SLTM: variants seen among roughly 807,000 people sequenced by gnomAD.
The protein encoded by SLTM is SAFB like transcription modulator.
SLTM carries 43 observed loss-of-function variants against 134.6 expected under a neutral mutation model. The ratio of observed to expected loss-of-function variants is 0.32; its 90% CI spans 0.25 to 0.41. SLTM has a LOEUF of 0.41. Ranked by LOEUF, SLTM falls within the 10% of genes least tolerant of loss-of-function variation. The pLI is 1.00. For synonymous variants in SLTM, 424 were observed against 432.3 expected, an observed-to-expected ratio of 0.98 and a Z score of 0.24; for missense variants, 1,055 against 1,288.8, an observed-to-expected ratio of 0.82 and a Z score of 2.78.
At chr15:58,890,010 A>G in intron 15 of SLTM, 1 of 448,544 alleles carries the variant, frequency 2.2e-6, no homozygotes, top group East Asian at 3.8e-5. Flanking sequence ...CTGGATTACA[A>G]CTACTCTGGA....
intron 2 of SLTM, among the ~76,000 whole-genome samples, chr15:58,925,266 A>C (rs1418591418): frequency 3.9e-5 from 6 of 152,148 alleles, no homozygotes; most frequent in Non-Finnish European, 8.8e-5. Context: ...ACATTTTACT[A>C]ACAAAATCAT....
At chr15:58,891,123 A>T (rs1202588401) in intron 14 of SLTM, among the ~76,000 whole-genome samples, 4 of 152,142 alleles carry the variant, frequency 2.6e-5, no homozygotes, top group Admixed American at 1.3e-4. Flanking sequence ...TGTCATCAGC[A>T]TGTCTTTCTC....
At chr15:58,884,224 G>A (rs974300632) in intron 19 of SLTM, among the ~76,000 whole-genome samples, 2 of 152,176 alleles carry the variant, frequency 1.3e-5, no homozygotes, top group African/African-American at 4.8e-5. Flanking sequence ...GATGAGTAGT[G>A]CAGCAGCATA....
chr15:58,903,726 AG>A (rs2035661329), intron 5 of SLTM, among the ~76,000 whole-genome samples: 1 of 151,918 alleles, frequency 6.6e-6, no homozygotes, highest in Non-Finnish European at 1.5e-5. Context: ...AAAAAAAAAA[AG>A]AATGTGCATC....
intron 2 of SLTM, chr15:58,921,641 G>A (rs189578379): frequency 4.9e-6 from 2 of 404,500 alleles, no homozygotes; most frequent in Admixed American, 5.4e-5. Flanking sequence ...GTAACAACCT[G>A]ATAGATACAT....
At chr15:58,881,443 C>T (rs1187981385) in intron 20 of SLTM, among the ~76,000 whole-genome samples, 4 of 151,962 alleles carry the variant, frequency 2.6e-5, no homozygotes, top group African/African-American at 7.2e-5. Flanking sequence ...AGGAGAATCA[C>T]GTGAACCCAG....
At chr15:58,901,308 AAATGTAAAATG>A (rs774084545) in intron 5 of SLTM, 21 bp from the exon 6 acceptor site, 1 of 1,588,370 alleles carries the variant, frequency 6.3e-7, no homozygotes, top group Non-Finnish European at 8.6e-7. Context: ...AAGAATAATC[AAATGTAAAATG>A]AATTCACATA....
At chr15:58,925,549 G>A (rs1386409664) in intron 2 of SLTM, among the ~76,000 whole-genome samples, 2 of 152,084 alleles carry the variant, frequency 1.3e-5, no homozygotes, top group African/African-American at 4.8e-5. Context: ...TGTTGGCCAT[G>A]CTGGTCTCGA....
chr15:58,915,115 T>C (rs1440893649), intron 3 of SLTM, among the ~76,000 whole-genome samples: 1 of 151,996 alleles, frequency 6.6e-6, no homozygotes, highest in Non-Finnish European at 1.5e-5. Context: ...CTCTTGAACC[T>C]GGGAGGTGGA....
At chr15:58,896,810 A>T (rs1467669529) in intron 9 of SLTM, among the ~76,000 whole-genome samples, 1 of 152,212 alleles carries the variant, frequency 6.6e-6, no homozygotes, top group Non-Finnish European at 1.5e-5. Context: ...AGGCTCAGCA[A>T]TATGCTAGAT....
intron 20 of SLTM, 40 bp from the exon 21 acceptor site, chr15:58,880,147 G>T: frequency 1.2e-6 from 2 of 1,601,244 alleles, no homozygotes; most frequent in South Asian, 2.2e-5. Flanking sequence ...AGAGAACAAA[G>T]AACAAATCAT....
chr15:58,881,281 C>T (rs577336449), intron 20 of SLTM, among the ~76,000 whole-genome samples: 18 of 152,156 alleles, frequency 1.2e-4, no homozygotes, highest in African/African-American at 3.6e-4. Flanking sequence ...ACCAGCACTT[C>T]GGGAGGCTGA....
chr15:58,890,236 T>A, intron 15 of SLTM, 45 bp downstream of exon 15: 1 of 1,604,048 alleles, frequency 6.2e-7, no homozygotes, highest in Non-Finnish European at 8.5e-7. Flanking sequence ...TCACAGAGTC[T>A]GAAAAAGGTG....
intron 2 of SLTM, among the ~76,000 whole-genome samples, chr15:58,924,914 G>C (rs933776546): frequency 1.3e-5 from 2 of 152,062 alleles, no homozygotes; most frequent in Admixed American, 1.3e-4. Context: ...CAACCACCTG[G>C]GTCCAAGCAA....
At chr15:58,889,843 T>C (rs2034521081) in intron 15 of SLTM, 1 of 375,858 alleles carries the variant, frequency 2.7e-6, no homozygotes, top group Non-Finnish European at 4.8e-6. Context: ...GAATTAGAAA[T>C]AGCATTCTTA....
intron 5 of SLTM, among the ~76,000 whole-genome samples, chr15:58,909,295 A>G (rs1462229837): frequency 7.2e-5 from 11 of 152,228 alleles, no homozygotes; most frequent in African/African-American, 2.4e-4. Flanking sequence ...GGACCAAAAT[A>G]CATTACATAT....
intron 16 of SLTM, 155 bp downstream of exon 16, chr15:58,889,275 G>A (rs2034478710): frequency 1.2e-6 from 1 of 847,606 alleles, no homozygotes; most frequent in Non-Finnish European, 1.8e-6. Context: ...ACTTGCTAGT[G>A]CACTGGGTCT....
intron 2 of SLTM, among the ~76,000 whole-genome samples, chr15:58,919,962 CTTAT>C (rs1311036890): frequency 6.6e-6 from 1 of 152,114 alleles, no homozygotes; most frequent in Non-Finnish European, 1.5e-5. Flanking sequence ...GCCACTATAT[CTTAT>C]TATGACCTGT....
rs148369451 is a variant in SLTM at position 58,933,437 on chromosome 15, T to C, written c.129A>G (p.Gly43=). 3.8e-6 allele frequency: 6 copies of C among 1,592,906 alleles called. No individual in the cohort carries two copies. In the African/African-American group the frequency reaches 8.3e-5, roughly 22 times the overall value. ...ELKRRNLDIT[G]VKTVLISRLK... is the part of the protein sequence containing the mutation. ...GTCGGGAGATGAGCACGGTCTTGAC[T>C]CCGGTGATGTCTAAGTTCCGCCGCT... Residue 43 remains glycine (G), a synonymous_variant, in exon 1 of 21, where the codon GGA becomes GGG. Transcript: ENST00000380516.
Sources: allele counts gnomAD v4.1 joint callset (sites outside exome capture counted in the v4.1 genomes callset), GRCh38; gene constraint gnomAD v4.1.1; transcripts MANE v1.5; gene names NCBI Gene and HGNC (gene_info 2026-07-23, HGNC 2026-07-21).